The following RANBP9 variants were observed in gnomAD, a reference collection of about 807,000 sequenced individuals.
RANBP9 encodes the protein RAN binding protein 9, also known as ran-binding protein 9.
In RANBP9, 15 loss-of-function variants were observed where a neutral mutation model predicts 84.3. The observed-to-expected ratio is 0.18, with a 90% CI of 0.12 to 0.27. The LOEUF is 0.27. Ranked by LOEUF, RANBP9 falls within the 10% of genes least tolerant of loss-of-function variation. The pLI is 1.00. For synonymous variants in RANBP9, 392 were observed against 349.6 expected (o/e 1.12, Z -1.35); for missense variants, 809 against 912.8 (o/e 0.89, Z 1.46).
chr6:13,639,584 C>T lies in RANBP9; in HGVS notation c.1504G>A (p.Gly502Arg). The change falls in exon 9 of 14, where the codon GGA (glycine) becomes AGA (arginine). Residue 502 changes from glycine to arginine, a missense_variant. By Grantham distance (125) the Gly-to-Arg change is moderately radical. Coordinates refer to ENST00000011619, the MANE Select transcript of RANBP9 (RefSeq NM_005493.3). ...MNIHNLASGK[G>R]STAHFSGFES... ...TCACCTGAAAAATGTGCGGTGCTTC[C>T]TTTGCCTGATGCTAAATTGTGGATA... The T allele has an allele frequency of 6.2e-7, 1 of 1,610,960 alleles. No individual in the cohort carries two copies.
At chr6:13,710,401 G>C (rs1758244114) in intron 1 of RANBP9, among the ~76,000 whole-genome samples, 1 of 151,912 alleles carries the variant, frequency 6.6e-6, no homozygotes, top group African/African-American at 2.4e-5. Context: ...GGCAAACTTG[G>C]GCCCCTTGTC....
intron 2 of RANBP9, among the ~76,000 whole-genome samples, chr6:13,688,959 C>T (rs1285821880): frequency 1.6e-5 from 2 of 124,594 alleles, no homozygotes; most frequent in Non-Finnish European, 3.2e-5. Flanking sequence ...CCAGCCTGTG[C>T]AACATACCGA....
intron 5 of RANBP9, among the ~76,000 whole-genome samples, chr6:13,652,331 A>C (rs149869439): frequency 6.6e-6 from 1 of 152,232 alleles, no homozygotes; most frequent in Non-Finnish European, 1.5e-5. Flanking sequence ...AGCTTGGATG[A>C]ATAAACGATT....
rs915135213 is a variant in RANBP9 at position 13,711,433 on chromosome 6, C to T, written c.73G>A (p.Ala25Thr). Reference protein sequence around the residue: ...QQQQLSPPPPAALAPVSGVVL... With the variant: ...QQQQLSPPPPTALAPVSGVVL... ...ACTCCGGAGACTGGGGCCAAGGCCG[C>T]CGGCGGTGGCGGCGACAGCTGCTGC... Residue 25 changes from alanine (A) to threonine (T), a missense_variant, in exon 1 of 14, where the codon GCG (alanine) becomes ACG (threonine). Around this residue, in one of 5 missense-constraint regions of RANBP9, gnomAD observed 302 missense variants for 240.1 expected, o/e 1.26. Coordinates refer to ENST00000011619, the MANE Select transcript of RANBP9 (RefSeq NM_005493.3). 1.7e-6 allele frequency: 2 copies of T among 1,197,000 alleles called. No homozygotes were observed. The highest frequency in any genetic ancestry group is 4.4e-5 in the Admixed American group (1 of 22,638). 74.1% of individuals were successfully genotyped at this position (1,197,000 alleles called of 1,614,324 possible). A position where few individuals can be genotyped will look rare whatever the true frequency, so the allele number is the denominator to read the frequency against.
chr6:13,625,903 C>G (rs1402169185), intron 12 of RANBP9, 139 bp from the exon 13 acceptor site: 1 of 553,404 alleles, frequency 1.8e-6, no homozygotes, highest in Non-Finnish European at 3.3e-6. Flanking sequence ...ACTCCCAGCA[C>G]TGGGACGCTC....
chr6:13,638,828 TG>T (rs956586573), intron 9 of RANBP9, among the ~76,000 whole-genome samples: 1 of 148,476 alleles, frequency 6.7e-6, no homozygotes, highest in African/African-American at 2.5e-5. Context: ...AGCTGACTTT[TG>T]CAAGAGGCTT....
chr6:13,708,422 T>TCACACACA (rs536197139), intron 1 of RANBP9, among the ~76,000 whole-genome samples: 5 of 151,430 alleles, frequency 3.3e-5, no homozygotes, highest in African/African-American at 9.8e-5. Flanking sequence ...TGAAATCCTA[T>TCACACACA]CACACACACA....
At chr6:13,664,690 GATCTTTACAATT>G (rs1055990245) in intron 2 of RANBP9, among the ~76,000 whole-genome samples, 4 of 152,018 alleles carry the variant, frequency 2.6e-5, no homozygotes, top group Non-Finnish European at 4.4e-5. Flanking sequence ...ACACTGATTT[GATCTTTACAATT>G]ATATGAATGT....
At chr6:13,646,425 G>GAAACA (rs1485319269) in intron 5 of RANBP9, among the ~76,000 whole-genome samples, 2 of 151,840 alleles carry the variant, frequency 1.3e-5, no homozygotes, top group East Asian at 1.9e-4. Context: ...CACAAAAACA[G>GAAACA]AAACAAAACA....
intron 2 of RANBP9, among the ~76,000 whole-genome samples, chr6:13,672,692 G>A (rs891221666): frequency 2.6e-5 from 4 of 151,918 alleles, no homozygotes; most frequent in South Asian, 2.1e-4. Context: ...AGCAAGCATC[G>A]AAACCAAACT....
At chr6:13,637,762 T>A (rs372024489) in intron 10 of RANBP9, 46 bp downstream of exon 10, 18 of 1,479,358 alleles carry the variant, frequency 1.2e-5, no homozygotes, top group African/African-American at 1.4e-5. Flanking sequence ...ATTACACCTA[T>A]AACTAGGTTG....
At chr6:13,690,072 C>T (rs897807831) in intron 2 of RANBP9, among the ~76,000 whole-genome samples, 2 of 152,122 alleles carry the variant, frequency 1.3e-5, no homozygotes, top group Admixed American at 1.3e-4. Flanking sequence ...CGCCCAATGA[C>T]TCATGTCTTA....
intron 2 of RANBP9, among the ~76,000 whole-genome samples, chr6:13,682,395 T>TAA (rs202214378): frequency 5.9e-5 from 6 of 102,354 alleles, no homozygotes; most frequent in African/African-American, 1.4e-4. Context: ...GAAGCAAAAT[T>TAA]AAAAAAAAAA....
rs146502993 is a variant in RANBP9, at chr6:13,630,753, G to C, written c.1947+1617C>G. ...ACCACAACAGACTAAAGGCAGTCTG[G>C]TCTGTATGCGAATACAGCTCACCTA... On this transcript the variant is annotated intron_variant, in intron 12 of 13. Coordinates refer to ENST00000011619, the MANE Select transcript of RANBP9 (RefSeq NM_005493.3). Among the ~76,000 whole-genome samples the C allele has an allele frequency of 5.0e-3, 764 of 152,248 alleles. 6 individuals carry two copies. Among genetic ancestry groups the C allele is most frequent in the African/African-American group, 0.018 (734 of 41,554 alleles).
intron 1 of RANBP9, among the ~76,000 whole-genome samples, chr6:13,707,249 G>A (rs1758151770): frequency 6.6e-6 from 1 of 151,982 alleles, no homozygotes; most frequent in African/African-American, 2.4e-5. Flanking sequence ...GAACTCTTGG[G>A]CTCAAGCGAT....
At chr6:13,701,362 T>C (rs558777507) in intron 1 of RANBP9, among the ~76,000 whole-genome samples, 7 of 152,310 alleles carry the variant, frequency 4.6e-5, no homozygotes, top group African/African-American at 1.2e-4. Context: ...TTTTTAGAAA[T>C]GTTGTCAGCT....
intron 4 of RANBP9, among the ~76,000 whole-genome samples, chr6:13,654,533 A>G (rs1313865509): frequency 6.6e-6 from 1 of 152,222 alleles, no homozygotes; most frequent in Non-Finnish European, 1.5e-5. Context: ...CCACTTAGGA[A>G]GTATAAGGGA....
intron 10 of RANBP9, among the ~76,000 whole-genome samples, chr6:13,636,808 C>T (rs1562299233): frequency 6.6e-6 from 1 of 152,160 alleles, no homozygotes. Flanking sequence ...ATTTTTGTCA[C>T]GTGTGACAGA....
intron 2 of RANBP9, among the ~76,000 whole-genome samples, chr6:13,687,864 T>G (rs1766225300): frequency 6.6e-6 from 1 of 152,176 alleles, no homozygotes; most frequent in Non-Finnish European, 1.5e-5. Flanking sequence ...AACTAGCACC[T>G]GAAAGATAAA....
Sources: gnomAD v4.1 joint callset for allele counts (sites outside exome capture counted in the v4.1 genomes callset) on GRCh38, gnomAD v4.1.1 for gene constraint, gnomAD v4.1.1 regional missense constraint, MANE v1.5 for transcripts, NCBI Gene and HGNC (gene_info 2026-07-23, HGNC 2026-07-21) for gene names.